NMNAT3: variants seen among roughly 807,000 people sequenced by gnomAD.
The protein encoded by NMNAT3 is nicotinamide/nicotinic acid mononucleotide adenylyltransferase 3.
In NMNAT3, 21 loss-of-function variants were observed where a neutral mutation model predicts 24.8. The observed-to-expected ratio is 0.85, with a 90% CI of 0.60 to 1.22. The LOEUF (loss-of-function observed/expected upper bound fraction) is 1.22, where lower values mean the gene tolerates loss of function less well. Among genes scored for constraint, NMNAT3 ranks in the 50% most tolerant of loss-of-function variants. NMNAT3 has a pLI of 0.00. For synonymous variants in NMNAT3, 136 were observed against 155.2 expected, an observed-to-expected ratio of 0.88 and a Z score of 0.92; for missense variants, 387 against 436.6, an observed-to-expected ratio of 0.89 and a Z score of 1.01.
intron 3 of NMNAT3, among the ~76,000 whole-genome samples, chr3:139,616,486 G>T (rs756953352): frequency 1.3e-5 from 2 of 152,152 alleles, no homozygotes; most frequent in Non-Finnish European, 2.9e-5. Context: ...TTACCTACAG[G>T]TCACTCATAA....
At chr3:139,599,024 C>A in intron 3 of NMNAT3, 1 of 362,048 alleles carries the variant, frequency 2.8e-6, no homozygotes, top group Middle Eastern at 7.8e-4. Context: ...TGACCATCCC[C>A]CTCAGCAAGA....
chr3:139,664,973 C>G (rs2057530049), intron 1 of NMNAT3, among the ~76,000 whole-genome samples: 1 of 152,066 alleles, frequency 6.6e-6, no homozygotes, highest in African/African-American at 2.4e-5. Flanking sequence ...AAGGAGAATT[C>G]TATTTTGCTG....
intron 6 of NMNAT3, among the ~76,000 whole-genome samples, chr3:139,561,612 A>T (rs981378691): frequency 2.6e-5 from 4 of 152,198 alleles, no homozygotes; most frequent in Non-Finnish European, 4.4e-5. Flanking sequence ...TTTGTTTAAT[A>T]TTGGAAAAGT....
rs760319768 is a variant in NMNAT3 at position 139,627,739 on chromosome 3, C to A, written c.-15G>T. 7.1e-6 allele frequency: 11 copies of A among 1,550,702 alleles called. No individual in the cohort carries two copies. The highest frequency in any genetic ancestry group is 1.4e-5 in the African/African-American group (1 of 73,720). On this transcript the variant is annotated 5_prime_UTR_variant, in exon 3 of 7. Coordinates refer to ENST00000643695, the MANE Select transcript of NMNAT3 (RefSeq NM_001320510.2). Reference sequence around the variant, plus strand: ...CGGCTCTTCATCTTGTCAGGCACATCCACACCTGTTGCAGTGGCCACCCTG... The same window carrying A: ...CGGCTCTTCATCTTGTCAGGCACATACACACCTGTTGCAGTGGCCACCCTG...
chr3:139,564,359 T>A (rs892592628), intron 6 of NMNAT3, among the ~76,000 whole-genome samples: 1 of 152,154 alleles, frequency 6.6e-6, no homozygotes, highest in Non-Finnish European at 1.5e-5. Flanking sequence ...AAATTTACCA[T>A]ACAAGGCCAC....
chr3:139,565,130 A>G (rs542673143), intron 6 of NMNAT3, among the ~76,000 whole-genome samples: 1 of 152,172 alleles, frequency 6.6e-6, no homozygotes, highest in Non-Finnish European at 1.5e-5. Flanking sequence ...CTATGTATAC[A>G]GTATAATTTA....
intron 3 of NMNAT3, among the ~76,000 whole-genome samples, chr3:139,601,031 G>C (rs2054690522): frequency 6.6e-6 from 1 of 152,148 alleles, no homozygotes; most frequent in Non-Finnish European, 1.5e-5. Context: ...GGGATCCTCA[G>C]ACCTGGCAGG....
Position 139,569,178 on chromosome 3 carries a change from TG to T in NMNAT3, c.658+4419del, listed in dbSNP as rs1205207673. The T allele has an allele frequency of 1.3e-4, 8 of 61,536 alleles. No homozygotes were observed. In the Admixed American group the frequency reaches 1.7e-3, roughly 13 times the overall value. The allele number at this position is 61,536 out of a possible 1,614,324, so 3.8% of individuals were successfully genotyped here. A position where few individuals can be genotyped will look rare whatever the true frequency, so the allele number is the denominator to read the frequency against. On this transcript the variant is annotated intron_variant, in intron 6 of 6. Transcript: ENST00000643695. ...TAGGATTGCAACCCCTGCCTTTTTT[TG>T]TTTTCCATTTGCTTGGTAGATCTTC... is the stretch of plus-strand genomic sequence containing the variant.
chr3:139,608,205 T>C (rs2055031097), intron 3 of NMNAT3, among the ~76,000 whole-genome samples: 2 of 152,152 alleles, frequency 1.3e-5, no homozygotes, highest in Non-Finnish European at 1.5e-5. Flanking sequence ...AAGTGAAGAG[T>C]TGGGCTTGGC....
intron 1 of NMNAT3, among the ~76,000 whole-genome samples, chr3:139,663,222 C>T (rs377055554): frequency 6.9e-4 from 105 of 152,298 alleles, no homozygotes; most frequent in African/African-American, 2.5e-3. Flanking sequence ...ATGGGCAGTC[C>T]AGTTTTTCTC....
intron 1 of NMNAT3, among the ~76,000 whole-genome samples, chr3:139,656,176 C>T (rs1035111968): frequency 3.3e-5 from 5 of 152,126 alleles, no homozygotes; most frequent in Admixed American, 6.5e-5. Flanking sequence ...ATGAATAGGA[C>T]GCAATGAATT....
At position 139,627,622 on chromosome 3, in the gene NMNAT3, G is replaced by T. The variant is rs1396539816; in HGVS notation, c.103C>A (p.Gln35Lys). ...TCAGGGCCCCCTGACTGACCTGTTT[G>T]GTGTAGGTGATCTCTGGCCACCTCA... The change falls in exon 3 of 7, where the codon CAA becomes AAA. Residue 35 changes from glutamine (Q) to lysine (K), a missense_variant. This residue lies in a region of NMNAT3 where 51 missense variants were observed against 55.6 expected (regional missense o/e 0.92). Coordinates refer to ENST00000643695, the MANE Select transcript of NMNAT3 (RefSeq NM_001320510.2). 14 of 1,582,318 alleles carry T rather than the reference G, an allele frequency of 8.8e-6. No homozygotes were observed. Among genetic ancestry groups the T allele is most frequent in the Admixed American group, 8.5e-5 (5 of 58,872 alleles).
At chr3:139,676,468 A>G (rs1192294054) in intron 1 of NMNAT3, among the ~76,000 whole-genome samples, 1 of 152,184 alleles carries the variant, frequency 6.6e-6, no homozygotes, top group East Asian at 1.9e-4. Context: ...GAAATTCAAG[A>G]AGTAACTGAT....
intron 1 of NMNAT3, among the ~76,000 whole-genome samples, chr3:139,669,270 C>A (rs1163993623): frequency 6.6e-6 from 1 of 151,802 alleles, no homozygotes; most frequent in Non-Finnish European, 1.5e-5. Context: ...CCTTGGAGTT[C>A]AAAACCAGCC....
intron 1 of NMNAT3, among the ~76,000 whole-genome samples, chr3:139,640,106 C>T (rs552376619): frequency 3.3e-4 from 51 of 152,314 alleles, no homozygotes; most frequent in African/African-American, 1.2e-3. Flanking sequence ...CATGCACCAG[C>T]AGGACAGGTT....
At chr3:139,658,651 T>C (rs1360312803) in intron 1 of NMNAT3, among the ~76,000 whole-genome samples, 1 of 152,210 alleles carries the variant, frequency 6.6e-6, no homozygotes, top group Non-Finnish European at 1.5e-5. Flanking sequence ...CTCTATCCAT[T>C]TGGCAATCTC....
intron 1 of NMNAT3, among the ~76,000 whole-genome samples, chr3:139,674,459 C>T (rs1178346326): frequency 3.3e-5 from 5 of 152,092 alleles, no homozygotes; most frequent in African/African-American, 1.2e-4. Context: ...CCATGATAAA[C>T]GAGCAAAGAC....
intron 3 of NMNAT3, among the ~76,000 whole-genome samples, 156 bp downstream of exon 4, chr3:139,627,460 A>G (rs1238766498): frequency 1.3e-5 from 2 of 152,150 alleles, no homozygotes; most frequent in African/African-American, 4.8e-5. Flanking sequence ...ACAAGACTAT[A>G]AGCATCAACC....
chr3:139,648,536 G>A (rs1160466751), intron 1 of NMNAT3, among the ~76,000 whole-genome samples: 1 of 152,222 alleles, frequency 6.6e-6, no homozygotes, highest in African/African-American at 2.4e-5. Flanking sequence ...CAGGTAATTA[G>A]AGGGGAACCA....
Sources: allele counts gnomAD v4.1 joint callset (sites outside exome capture counted in the v4.1 genomes callset), GRCh38; gene constraint gnomAD v4.1.1; regional missense constraint gnomAD v4.1.1; transcripts MANE v1.5; gene names NCBI Gene and HGNC (gene_info 2026-07-23, HGNC 2026-07-21).